CD8B2: variants seen among roughly 807,000 people sequenced by gnomAD.
CD8B2 encodes the protein CD8B family member 2.
CD8B2 carries 11 observed loss-of-function variants against 23.7 expected under a neutral mutation model. That is an observed-to-expected ratio of 0.46 (90% CI 0.29 to 0.77). The LOEUF (loss-of-function observed/expected upper bound fraction) is 0.77, where lower values mean the gene tolerates loss of function less well. CD8B2 is among the 30% of genes least tolerant of loss of function. CD8B2 has a pLI of 0.09. For missense variants in CD8B2, 197 were observed against 270.5 expected (o/e 0.73, Z 1.91); for synonymous variants, 90 against 109.3 (o/e 0.82, Z 1.10).
chr2:106,515,578 G>A (rs1348864058), downstream of CD8B2, among the ~76,000 whole-genome samples: 1 of 152,192 alleles, frequency 6.6e-6, no homozygotes, highest in African/African-American at 2.4e-5. Context: ...GGCCCCATTA[G>A]ACAACAACTG....
At chr2:106,491,582 G>C (rs745628587) in intron 2 of CD8B2, among the ~76,000 whole-genome samples, 2 of 152,056 alleles carry the variant, frequency 1.3e-5, no homozygotes, top group African/African-American at 2.4e-5. Flanking sequence ...GAGCCTCACT[G>C]TGTTGCCCAG....
rs952067949 is a variant in CD8B2, at chr2:106,508,557, C to T, written c.*1617C>T. 31 of 152,306 alleles carry T rather than the reference C, an allele frequency of 2.0e-4. No individual in the cohort carries two copies. Among genetic ancestry groups the T allele is most frequent in the South Asian group, 1.2e-3 (6 of 4,824 alleles). The allele number at this position is 152,306 out of a possible 1,614,324, so 9.4% of individuals were successfully genotyped here. A position where few individuals can be genotyped will look rare whatever the true frequency, so the allele number is the denominator to read the frequency against. ...ACATACAAAGTAATAAAGGAATAAA[C>T]GCAGCAAAAGGAAGAATTTATTGAA... is the stretch of plus-strand genomic sequence containing the variant. On this transcript the variant is annotated 3_prime_UTR_variant, in exon 6 of 6. Transcript: ENST00000643224.
chr2:106,498,205 T>C (rs1332429269), intron 3 of CD8B2, among the ~76,000 whole-genome samples: 3 of 151,854 alleles, frequency 2.0e-5, no homozygotes, highest in African/African-American at 7.3e-5. Flanking sequence ...TGGAGTGCAG[T>C]GGCGTGATCT....
chr2:106,489,106 C>G (rs4676200), intron 1 of CD8B2, among the ~76,000 whole-genome samples: 119,413 of 121,678 alleles, frequency 0.98, 58,663 homozygotes, highest in East Asian at 1. Flanking sequence ...GGGTTCAAGC[C>G]ATTCTCCTGC....
intron 3 of CD8B2, among the ~76,000 whole-genome samples, chr2:106,501,738 G>A (rs760984176): frequency 6.6e-6 from 1 of 152,104 alleles, no homozygotes; most frequent in Non-Finnish European, 1.5e-5. Flanking sequence ...AAATTACATA[G>A]GCATGGAAAG....
downstream of CD8B2, among the ~76,000 whole-genome samples, chr2:106,513,230 A>G (rs2104564379): frequency 6.6e-6 from 1 of 151,770 alleles, no homozygotes; most frequent in African/African-American, 2.4e-5. Context: ...AACAACTCAG[A>G]TCTCAATCAG....
chr2:106,496,581 A>G (rs951717949), intron 3 of CD8B2, among the ~76,000 whole-genome samples: 2 of 152,224 alleles, frequency 1.3e-5, no homozygotes, highest in Non-Finnish European at 2.9e-5. Context: ...TAATGAGTTG[A>G]TTAACAAAAT....
At chr2:106,493,260 A>G (rs4368325) in intron 2 of CD8B2, among the ~76,000 whole-genome samples, 95,820 of 152,028 alleles carry the variant, frequency 0.63, 30,967 homozygotes, top group East Asian at 0.99. Context: ...GGGGAGAGAC[A>G]GGGCCTTTTT....
At chr2:106,521,586 G>A (rs1368852556) in intron 5 of CD8B2, 2 of 152,248 alleles carry the variant, frequency 1.3e-5, no homozygotes, top group Non-Finnish European at 2.9e-5. Context: ...CAAGAGAAGT[G>A]ACTGAGAACG....
intron 5 of CD8B2, among the ~76,000 whole-genome samples, chr2:106,519,606 T>C (rs1679789713): frequency 6.6e-6 from 1 of 152,102 alleles, no homozygotes; most frequent in East Asian, 1.9e-4. Context: ...GCTCTGAACT[T>C]ACACCCCAAC....
intron 3 of CD8B2, among the ~76,000 whole-genome samples, chr2:106,497,270 C>A (rs1411258791): frequency 6.6e-6 from 1 of 152,068 alleles, no homozygotes; most frequent in East Asian, 1.9e-4. Flanking sequence ...CAGGCCCTCT[C>A]TCAAAAAAAA....
At chr2:106,497,164 T>G (rs1030114272) in intron 3 of CD8B2, among the ~76,000 whole-genome samples, 30 of 152,246 alleles carry the variant, frequency 2.0e-4, no homozygotes, top group Non-Finnish European at 4.1e-4. Flanking sequence ...GTAGTCCCAG[T>G]TACTCAGGAG....
intron 5 of CD8B2, among the ~76,000 whole-genome samples, chr2:106,527,855 A>G (rs188724329): frequency 6.6e-6 from 1 of 152,300 alleles, no homozygotes; most frequent in East Asian, 1.9e-4. Context: ...CCAGCCTCGC[A>G]GGGAGGAGAG....
At position 106,491,178 on chromosome 2, in the gene CD8B2, C is replaced by T; in HGVS notation, c.348C>T (p.Cys116=). ...VKPEDSGIYF[C]MIVGSPELTF... Reference sequence around the variant, plus strand: ...CGGAGGACAGTGGCATCTACTTCTGCATGATCGTCGGGAGCCCCGAGCTGA... The same window carrying T: ...CGGAGGACAGTGGCATCTACTTCTGTATGATCGTCGGGAGCCCCGAGCTGA... Residue 116 remains cysteine, a synonymous_variant, in exon 2 of 6, where the codon TGC becomes TGT. Transcript: ENST00000643224. 6.2e-7 allele frequency: 1 copy of T among 1,613,672 alleles called. No individual in the cohort carries two copies. Among genetic ancestry groups the T allele is most frequent in the Non-Finnish European group, 8.5e-7 (1 of 1,179,542 alleles).
At chr2:106,501,953 A>G (rs1679416655) in intron 3 of CD8B2, among the ~76,000 whole-genome samples, 1 of 152,230 alleles carries the variant, frequency 6.6e-6, no homozygotes, top group Admixed American at 6.5e-5. Context: ...AATGTGGGAC[A>G]TGAAATTTTA....
chr2:106,491,745 C>T (rs1679200698), intron 2 of CD8B2, among the ~76,000 whole-genome samples: 1 of 152,054 alleles, frequency 6.6e-6, no homozygotes, highest in Non-Finnish European at 1.5e-5. Flanking sequence ...GACGAGATTT[C>T]ACCATGTTGG....
intron 3 of CD8B2, among the ~76,000 whole-genome samples, chr2:106,496,859 C>T (rs1391043852): frequency 2.0e-5 from 3 of 151,992 alleles, no homozygotes; most frequent in Non-Finnish European, 4.4e-5. Context: ...TTGCACAACT[C>T]CATGAATACA....
At position 106,491,099 on chromosome 2, in the gene CD8B2, T is replaced by A. The variant is rs1573327647; in HGVS notation, c.269T>A (p.Ile90Lys). ...GGTGAAGAGGTGGAACAGGAGAAGA[T>A]AGCTGTGTTTCGGGATGCAAGCCGG... ...IHGEEVEQEK[I>K]AVFRDASRFI... The change falls in exon 2 of 6, where the codon ATA (isoleucine) becomes AAA (lysine). Residue 90 changes from isoleucine (I) to lysine (K), a missense_variant. Physicochemically the swap from Ile to Lys is moderately radical, Grantham distance 102. Around this residue, in one of 3 missense-constraint regions of CD8B2, gnomAD observed 140 missense variants for 164.2 expected, o/e 0.85. Transcript: ENST00000643224. The A allele has an allele frequency of 6.2e-7, 1 of 1,613,916 alleles. No homozygotes were observed. Among genetic ancestry groups the A allele is most frequent in the South Asian group, 1.1e-5 (1 of 91,068 alleles).
intron 5 of CD8B2, among the ~76,000 whole-genome samples, chr2:106,535,911 G>T (rs968091291): frequency 6.6e-6 from 1 of 152,130 alleles, no homozygotes; most frequent in African/African-American, 2.4e-5. Flanking sequence ...AGAGGCTTCT[G>T]CTCTGCTCCT....
Sources: gnomAD v4.1 joint callset for allele counts (sites outside exome capture counted in the v4.1 genomes callset) on GRCh38, gnomAD v4.1.1 for gene constraint, gnomAD v4.1.1 regional missense constraint, MANE v1.5 for transcripts, NCBI Gene and HGNC (gene_info 2026-07-23, HGNC 2026-07-21) for gene names.